SLC35F3: variants seen among roughly 807,000 people sequenced by gnomAD.
SLC35F3 encodes the protein putative thiamine transporter SLC35F3.
A neutral mutation model predicts 49.9 loss-of-function variants in SLC35F3; 25 were observed. The observed-to-expected ratio is 0.50, with a 90% CI of 0.37 to 0.70. The LOEUF (loss-of-function observed/expected upper bound fraction) is 0.70. Among genes scored for constraint, SLC35F3 ranks in the 30% least tolerant of loss-of-function variants. The pLI, the probability that SLC35F3 is intolerant of heterozygous loss-of-function variation, is 0.00. For synonymous variants in SLC35F3, 275 were observed against 265.4 expected (o/e 1.04, Z -0.35); for missense variants, 525 against 639.8 (o/e 0.82, Z 1.94).
At chr1:234,110,204 C>T (rs1171256645) in intron 2 of SLC35F3, among the ~76,000 whole-genome samples, 1 of 152,166 alleles carries the variant, frequency 6.6e-6, no homozygotes, top group Non-Finnish European at 1.5e-5. Flanking sequence ...GGAGGAAGAT[C>T]ACTTCAGATC....
chr1:234,248,447 G>C (rs367596652), intron 3 of SLC35F3, among the ~76,000 whole-genome samples: 7 of 151,498 alleles, frequency 4.6e-5, no homozygotes, highest in Non-Finnish European at 3.0e-5. Flanking sequence ...TGGTTGGCTG[G>C]TCCATTGTTT....
At chr1:234,108,666 TAAAAGATATATATATTTTTATATATAAA>T in intron 2 of SLC35F3, among the ~76,000 whole-genome samples, 1 of 70,052 alleles carries the variant, frequency 1.4e-5, no homozygotes, top group Non-Finnish European at 3.2e-5. Flanking sequence ...TTTATATATA[TAAAAGATATATATATTTTTATATATAAA>T]ATATATATTA....
At chr1:234,088,111 G>T (rs1464927129) in intron 2 of SLC35F3, among the ~76,000 whole-genome samples, 2 of 152,112 alleles carry the variant, frequency 1.3e-5, no homozygotes, top group Non-Finnish European at 2.9e-5. Context: ...TGTATTTCCA[G>T]CACCTACAGC....
chr1:234,111,215 T>A (rs1665400900), intron 2 of SLC35F3, among the ~76,000 whole-genome samples: 1 of 152,154 alleles, frequency 6.6e-6, no homozygotes, highest in Admixed American at 6.5e-5. Context: ...AGAGAGTGAA[T>A]TAATTTAATC....
intron 2 of SLC35F3, among the ~76,000 whole-genome samples, chr1:233,922,942 A>G (rs912617621): frequency 6.6e-6 from 1 of 152,172 alleles, no homozygotes; most frequent in Non-Finnish European, 1.5e-5. Context: ...AGGTTTGTCA[A>G]AGATCAGATG....
At chr1:234,156,317 T>A (rs977838554) in intron 2 of SLC35F3, among the ~76,000 whole-genome samples, 1 of 152,244 alleles carries the variant, frequency 6.6e-6, no homozygotes, top group African/African-American at 2.4e-5. Flanking sequence ...GTACGACCTC[T>A]CTGGAAGATA....
chr1:233,969,680 C>T (rs997201290), intron 2 of SLC35F3, among the ~76,000 whole-genome samples: 10 of 152,176 alleles, frequency 6.6e-5, no homozygotes, highest in Non-Finnish European at 1.3e-4. Flanking sequence ...ATGGCTCGTT[C>T]GAATGACTGC....
chr1:233,911,662 C>T (rs958552433), intron 2 of SLC35F3, among the ~76,000 whole-genome samples: 2 of 152,136 alleles, frequency 1.3e-5, no homozygotes, highest in Non-Finnish European at 2.9e-5. Context: ...TATTAATGTG[C>T]CTTTATTTTC....
At chr1:234,225,579 G>A (rs539320337) in intron 2 of SLC35F3, among the ~76,000 whole-genome samples, 122 of 152,346 alleles carry the variant, frequency 8.0e-4, no homozygotes, top group African/African-American at 2.8e-3. Context: ...TTTAAGCACT[G>A]CCACTTGGAC....
chr1:234,139,716 G>A (rs1052110342), intron 2 of SLC35F3, among the ~76,000 whole-genome samples: 12 of 151,908 alleles, frequency 7.9e-5, no homozygotes, highest in Non-Finnish European at 1.5e-5. Flanking sequence ...TTGGGAGGCC[G>A]AGGTGGGCGG....
At chr1:233,998,574 G>A (rs550012432) in intron 2 of SLC35F3, among the ~76,000 whole-genome samples, 6 of 150,746 alleles carry the variant, frequency 4.0e-5, no homozygotes, top group South Asian at 4.2e-4. Context: ...GAAATCATAC[G>A]AGATTATAAA....
chr1:233,982,306 T>C (rs963251783), intron 2 of SLC35F3, among the ~76,000 whole-genome samples: 1 of 152,246 alleles, frequency 6.6e-6, no homozygotes, highest in Non-Finnish European at 1.5e-5. Context: ...CCACGTCTTT[T>C]GTCCATTTTT....
chr1:234,269,557 C>A (rs541011495), intron 3 of SLC35F3, among the ~76,000 whole-genome samples: 1 of 152,114 alleles, frequency 6.6e-6, no homozygotes. Context: ...AACTGGCACC[C>A]CTTGGTGAGT....
Position 234,231,558 on chromosome 1 carries a change from T to C in SLC35F3, c.425T>C (p.Val142Ala). The C allele has an allele frequency of 6.2e-7, 1 of 1,614,128 alleles. No homozygotes were observed. The highest frequency in any genetic ancestry group is 8.5e-7 in the Non-Finnish European group (1 of 1,179,996). ...LKKIFWGVAV[V>A]LCVCSSWAGS... Reference sequence around the variant, plus strand: ...AAGATCTTCTGGGGCGTGGCGGTCGTGCTGTGCGTGTGCTCCTCGTGGGCG... The same window carrying C: ...AAGATCTTCTGGGGCGTGGCGGTCGCGCTGTGCGTGTGCTCCTCGTGGGCG... The change falls in exon 3 of 8, where the codon GTG becomes GCG. Residue 142 changes from valine to alanine, a missense_variant. Val to Ala is a moderately conservative substitution (Grantham distance 64). Transcript: ENST00000366618. The surrounding 1 kb of genome is among the most constrained non-coding windows in gnomAD (Gnocchi z 5.4).
At chr1:234,224,126 G>T (rs376300953) in intron 2 of SLC35F3, among the ~76,000 whole-genome samples, 1 of 152,070 alleles carries the variant, frequency 6.6e-6, no homozygotes, top group African/African-American at 2.4e-5. Flanking sequence ...GTGCACTGGC[G>T]CAATCACTGG....
At chr1:234,113,817 C>T (rs1315992718) in intron 2 of SLC35F3, among the ~76,000 whole-genome samples, 4 of 152,146 alleles carry the variant, frequency 2.6e-5, no homozygotes, top group East Asian at 1.9e-4. Context: ...AAGCCGAGAT[C>T]GTGCCATTGC....
intron 2 of SLC35F3, among the ~76,000 whole-genome samples, chr1:233,950,663 T>C (rs902747392): frequency 4.0e-5 from 6 of 151,778 alleles, no homozygotes; most frequent in South Asian, 4.2e-4. Flanking sequence ...AAACCAAAAA[T>C]GGCAGAGAAA....
intron 2 of SLC35F3, among the ~76,000 whole-genome samples, chr1:234,113,462 G>T (rs1047215652): frequency 6.6e-6 from 1 of 152,242 alleles, no homozygotes; most frequent in Non-Finnish European, 1.5e-5. Flanking sequence ...TAAATGTAAT[G>T]TTGGAAGGTA....
chr1:233,979,479 G>A (rs978929956), intron 2 of SLC35F3, among the ~76,000 whole-genome samples: 11 of 152,310 alleles, frequency 7.2e-5, no homozygotes, highest in Middle Eastern at 3.4e-3. Context: ...TTGTTCGCTC[G>A]CTTCTACGAA....
Sources: gnomAD v4.1 joint callset for allele counts (sites outside exome capture counted in the v4.1 genomes callset) on GRCh38, gnomAD v4.1.1 for gene constraint, Gnocchi (gnomAD v3.1) non-coding constraint, MANE v1.5 for transcripts, NCBI Gene and HGNC (gene_info 2026-07-23, HGNC 2026-07-21) for gene names.